The following SPEG variants were observed in gnomAD, a reference collection of about 807,000 sequenced individuals.
The protein encoded by SPEG is striated muscle preferentially expressed protein kinase.
In SPEG, 114 loss-of-function variants were observed where a neutral mutation model predicts 300.4. The observed-to-expected ratio is 0.38, with a 90% CI of 0.33 to 0.44. SPEG has a LOEUF of 0.44. Ranked by LOEUF, SPEG falls within the 20% of genes least tolerant of loss-of-function variation. SPEG has a pLI of 1.00. For missense variants in SPEG, 4,201 were observed against 4,586.2 expected, an observed-to-expected ratio of 0.92 and a Z score of 2.43; for synonymous variants, 1,964 against 2,018.9, an observed-to-expected ratio of 0.97 and a Z score of 0.73.
At chr2:219,461,185 TG>T (rs1318097466) in intron 6 of SPEG, 91 of 982,266 alleles carry the variant, frequency 9.3e-5, no homozygotes, top group Non-Finnish European at 1.1e-4. Flanking sequence ...AGGCTGACTC[TG>T]GTGCCCCCCT....
rs1690792124 is a variant in SPEG, at chr2:219,462,336, T to G, written c.2655T>G (p.Asp885Glu). The change falls in exon 8 of 41, where the codon GAT (aspartate) becomes GAG (glutamate). Residue 885 changes from aspartate (D) to glutamate (E), a missense_variant. Asp to Glu is a conservative substitution (Grantham distance 45). Transcript: ENST00000312358. ...ACCAGTCAGTAAGAGAAGGCCAAGATGTCATCATGAGCATCCGCGTGCAGG... is the reference window on the plus strand; with the variant it reads ...ACCAGTCAGTAAGAGAAGGCCAAGAGGTCATCATGAGCATCCGCGTGCAGG... ...LMDQSVREGQ[D>E]VIMSIRVQGE... The G allele has an allele frequency of 6.4e-7, 1 of 1,570,100 alleles. No individual in the cohort carries two copies. The highest frequency in any genetic ancestry group is 1.8e-5 in the Admixed American group (1 of 54,326).
chr2:219,485,154 T>C, intron 30 of SPEG, 82 bp downstream of exon 30: 1 of 1,505,704 alleles, frequency 6.6e-7, no homozygotes, highest in South Asian at 1.2e-5. Context: ...AGCAGAGGGC[T>C]GGGGACACCC....
In SPEG at chr2:219,489,555, C is replaced by T. The variant is rs777701241; in HGVS notation, c.8537C>T (p.Pro2846Leu). 2.5e-6 allele frequency: 4 copies of T among 1,613,660 alleles called. No homozygotes were observed. Among genetic ancestry groups the T allele is most frequent in the Non-Finnish European group, 3.4e-6 (4 of 1,179,908 alleles). Residue 2846 changes from proline (P) to leucine (L), a missense_variant, in exon 36 of 41, where the codon CCA becomes CTA. By Grantham distance (98) the Pro-to-Leu change is moderately conservative. This residue lies in a region of SPEG where 1,578 missense variants were observed against 1,506.0 expected (regional missense o/e 1.05). Transcript: ENST00000312358. ...KAVGPPPQTP[P>L]RRHRGLQAAR... ...GTGGGTCCACCACCCCAAACCCCTC[C>T]ACGAAGACACAGGGGCCTGCAGGCT...
chr2:219,478,149 TG>T, intron 22 of SPEG, 44 bp downstream of exon 22: 1 of 1,535,722 alleles, frequency 6.5e-7, no homozygotes, highest in Non-Finnish European at 9.0e-7. Context: ...CATGCCTAAA[TG>T]ACTGGTCCTT....
intron 18 of SPEG, among the ~76,000 whole-genome samples, chr2:219,475,030 C>T (rs934912475): frequency 6.6e-6 from 1 of 152,072 alleles, no homozygotes; most frequent in Non-Finnish European, 1.5e-5. Flanking sequence ...AGTAATCCGT[C>T]CACCTCGGCT....
Position 219,481,907 on chromosome 2 carries a change from G to A in SPEG, c.5565+227G>A, listed in dbSNP as rs535620846. On this transcript the variant is annotated intron_variant, in intron 28 of 40. Transcript: ENST00000312358. This position sits in a 1 kb window ranked among gnomAD's most constrained non-coding sequence, Gnocchi z 5.4. The stretch of plus-strand genomic sequence containing the variant: ...TGATGGAGTTGGGGGTATACATACT[G>A]GACTCCAGGGCATACGTCTGGACCT... Among the ~76,000 whole-genome samples, 1 of 152,304 alleles carries A rather than the reference G, an allele frequency of 6.6e-6. No individual in the cohort carries two copies. Among genetic ancestry groups the A allele is most frequent in the South Asian group, 2.1e-4 (1 of 4,826 alleles).
chr2:219,484,936 T>G lies in SPEG; in HGVS notation c.7473T>G (p.Leu2491=). Residue 2491 remains leucine (L), a synonymous_variant, in exon 30 of 41, where the codon CTT becomes CTG. Coordinates refer to ENST00000312358, the MANE Select transcript of SPEG (RefSeq NM_005876.5). ...SGRSTPLFGR[L]RRATSEGESL... ...GCAGCACGCCGCTGTTCGGACGGCT[T>G]CGCAGGGCCACGTCCGAGGGCGAGA... 1 of 1,529,268 alleles carries G rather than the reference T, an allele frequency of 6.5e-7. No individual in the cohort carries two copies. Among genetic ancestry groups the G allele is most frequent in the Non-Finnish European group, 8.7e-7 (1 of 1,144,486 alleles). 94.7% of individuals were successfully genotyped at this position (1,529,268 alleles called of 1,614,324 possible).
At chr2:219,466,805 C>T (rs79142686) in intron 9 of SPEG, 11,510 of 1,030,196 alleles carry the variant, frequency 0.011, 81 homozygotes, top group South Asian at 0.023. Flanking sequence ...CTGTAGTGAG[C>T]GTGGAGAAAT....
rs1426003759 is a variant in SPEG at position 219,461,886 on chromosome 2, G to A, written c.2445G>A (p.Gly815=). 1 of 1,613,684 alleles carries A rather than the reference G, an allele frequency of 6.2e-7. No homozygotes were observed. Among genetic ancestry groups the A allele is most frequent in the Non-Finnish European group, 8.5e-7 (1 of 1,179,860 alleles). Residue 815 remains glycine (G), a synonymous_variant, in exon 7 of 41, where the codon GGG becomes GGA. Transcript: ENST00000312358. The part of the protein sequence containing the change: ...CAASLTVRPG[G]STSPFSSPIT... ...GCTATCTCTGTCTCTCTCCAGGTGG[G>A]TCTACATCCCCTTTCAGCAGCCCCA...
Position 219,477,589 on chromosome 2 carries a change from C to T in SPEG, c.4730-100C>T, listed in dbSNP as rs1459974433. On this transcript the variant is annotated intron_variant, in intron 20 of 40. Coordinates refer to ENST00000312358, the MANE Select transcript of SPEG (RefSeq NM_005876.5). This position sits in a 1 kb window ranked among gnomAD's most constrained non-coding sequence, Gnocchi z 6.4. ...CACCCCGCCTTGAGCCCCCAACATT[C>T]TTGCACCTCTTCTCTCTTCTTCTTC... The T allele has an allele frequency of 7.3e-7, 1 of 1,376,028 alleles. No homozygotes were observed. The highest frequency in any genetic ancestry group is 9.9e-7 in the Non-Finnish European group (1 of 1,009,944). The allele number at this position is 1,376,028 out of a possible 1,614,324, so 85.2% of individuals were successfully genotyped here.
Position 219,484,729 on chromosome 2 carries a change from C to T in SPEG, c.7266C>T (p.Pro2422=). The T allele has an allele frequency of 2.0e-6, 3 of 1,490,356 alleles. No individual in the cohort carries two copies. Among genetic ancestry groups the T allele is most frequent in the Non-Finnish European group, 2.7e-6 (3 of 1,131,524 alleles). 92.3% of individuals were successfully genotyped at this position (1,490,356 alleles called of 1,614,324 possible). Reference sequence around the variant, plus strand: ...CCCAGCGGCTGCGGCGGACCCCTCCCGCGCAGCGCCACCCGGCCTGGGAGG... The same window carrying T: ...CCCAGCGGCTGCGGCGGACCCCTCCTGCGCAGCGCCACCCGGCCTGGGAGG... ...SLSQRLRRTP[P]AQRHPAWEAR... The change falls in exon 30 of 41, where the codon CCC becomes CCT. Residue 2422 remains proline (P), a synonymous_variant. Coordinates refer to ENST00000312358, the MANE Select transcript of SPEG (RefSeq NM_005876.5).
chr2:219,490,242 C>T (rs980891520), intron 36 of SPEG, among the ~76,000 whole-genome samples, 167 bp from the exon 37 acceptor site: 6 of 152,190 alleles, frequency 3.9e-5, no homozygotes, highest in African/African-American at 1.4e-4. Context: ...CAGTGAGTGG[C>T]GAAGGTGGGA....
intron 6 of SPEG, among the ~76,000 whole-genome samples, chr2:219,452,311 A>G (rs1045007896): frequency 6.6e-6 from 1 of 152,164 alleles, no homozygotes; most frequent in African/African-American, 2.4e-5. Context: ...AAAAGGGTAC[A>G]GCCAAGAGCA....
In SPEG at chr2:219,481,267, C is replaced by T. The variant is rs368574533; in HGVS notation, c.5370-37C>T. On this transcript the variant is annotated intron_variant, in intron 26 of 40. Coordinates refer to ENST00000312358, the MANE Select transcript of SPEG (RefSeq NM_005876.5). The surrounding 1 kb of genome is among the most constrained non-coding windows in gnomAD (Gnocchi z 5.4). ...CCCCACTGACATTCCCCTTTGTCCC[C>T]GCCTGCCCCTCATGACAGCCCTCTT... is the stretch of plus-strand genomic sequence containing the variant. 3.4e-5 allele frequency: 55 copies of T among 1,606,102 alleles called. No homozygotes were observed. The highest frequency in any genetic ancestry group is 2.3e-4 in the South Asian group (21 of 89,736).
chr2:219,484,756 C>T lies in SPEG; in HGVS notation c.7293C>T (p.Ala2431=), dbSNP rs1693222575. Residue 2431 remains alanine, a synonymous_variant, in exon 30 of 41, where the codon GCC becomes GCT. Transcript: ENST00000312358. The part of the protein sequence containing the change: ...PPAQRHPAWE[A]RGGDGESSEG... ...CGCAGCGCCACCCGGCCTGGGAGGC[C>T]CGCGGCGGGGACGGAGAGAGCTCGG... The T allele has an allele frequency of 6.8e-7, 1 of 1,462,956 alleles. No individual in the cohort carries two copies. Among genetic ancestry groups the T allele is most frequent in the Non-Finnish European group, 8.9e-7 (1 of 1,119,266 alleles). 90.6% of individuals were successfully genotyped at this position (1,462,956 alleles called of 1,614,324 possible).
chr2:219,464,571 TGGTGCTCGGC>T lies in SPEG; in HGVS notation c.2845_2854del (p.Gly949SerfsTer99). 6.2e-7 allele frequency: 1 copy of T among 1,614,258 alleles called. No homozygotes were observed. Among genetic ancestry groups the T allele is most frequent in the Non-Finnish European group, 8.5e-7 (1 of 1,180,042 alleles). ...ACACTTGCAAAGCGGTCAATGAGTA[TGGTGCTCGGC>T]AGTGCGAGGCCCGCTTGGAGGTCCG... On this transcript the variant is annotated frameshift_variant, in exon 9 of 41. Transcript: ENST00000312358. LOFTEE classifies it high-confidence loss of function. This position sits in a 1 kb window ranked among gnomAD's most constrained non-coding sequence, Gnocchi z 4.5.
Position 219,477,910 on chromosome 2 carries a change from C to T in SPEG, c.4832C>T (p.Ala1611Val). 6.2e-7 allele frequency: 1 copy of T among 1,613,982 alleles called. No individual in the cohort carries two copies. The highest frequency in any genetic ancestry group is 8.5e-7 in the Non-Finnish European group (1 of 1,179,876). Residue 1611 changes from alanine (A) to valine (V), a missense_variant, in exon 22 of 41, where the codon GCT becomes GTT. Ala to Val is a moderately conservative substitution (Grantham distance 64). This residue lies in a region of SPEG where 1,047 missense variants were observed against 1,356.8 expected (regional missense o/e 0.77). Coordinates refer to ENST00000312358, the MANE Select transcript of SPEG (RefSeq NM_005876.5). This position sits in a 1 kb window ranked among gnomAD's most constrained non-coding sequence, Gnocchi z 6.4. ...YDIHQEIGRG[A>V]FSYLRRIVER... ...CCCCTCCCTGTGTCAACCAGGGGTG[C>T]TTTCTCCTACTTGCGGCGCATAGTG... is the stretch of plus-strand genomic sequence containing the variant.
At chr2:219,478,186 TAC>T (rs1692524538) in intron 22 of SPEG, 81 bp downstream of exon 22, 2 of 1,260,706 alleles carry the variant, frequency 1.6e-6, no homozygotes, top group African/African-American at 2.9e-5. Context: ...CAACATGTTT[TAC>T]AGTTTACAAA....
intron 1 of SPEG, among the ~76,000 whole-genome samples, chr2:219,435,662 TCTC>T (rs1954699338): frequency 6.6e-6 from 1 of 152,200 alleles, no homozygotes; most frequent in Non-Finnish European, 1.5e-5. Context: ...TGGAAGTTCT[TCTC>T]CTCCTGTGGA....
Sources: gnomAD v4.1 joint callset for allele counts (sites outside exome capture counted in the v4.1 genomes callset) on GRCh38, gnomAD v4.1.1 for gene constraint, gnomAD v4.1.1 regional missense constraint, Gnocchi (gnomAD v3.1) non-coding constraint, MANE v1.5 for transcripts, NCBI Gene and HGNC (gene_info 2026-07-23, HGNC 2026-07-21) for gene names.